Variants in CTH observed in about 807,000 individuals in gnomAD.
CTH encodes cystathionine gamma-lyase, also known as cystathionase (cystathionine gamma-lyase).
Under a neutral mutation model 50.6 loss-of-function variants are expected in CTH, and 41 were observed. The observed-to-expected ratio is 0.81, with a 90% confidence interval of 0.63 to 1.05. The LOEUF (loss-of-function observed/expected upper bound fraction) is 1.05, where lower values mean the gene tolerates loss of function less well. CTH is among the 50% of genes least tolerant of loss of function. The pLI, the probability that CTH is intolerant of heterozygous loss-of-function variation, is 0.00. For synonymous variants in CTH, 156 were observed against 168.9 expected (o/e 0.92, Z 0.59); for missense variants, 470 against 492.6 (o/e 0.95, Z 0.43).
chr1:70,424,773 C>A (rs557698430), intron 5 of CTH, among the ~76,000 whole-genome samples: 3 of 152,046 alleles, frequency 2.0e-5, no homozygotes, highest in Non-Finnish European at 4.4e-5. Flanking sequence ...ACTAAAAATA[C>A]AAAAAATTAG....
intron 7 of CTH, chr1:70,431,255 A>G (rs1684468056): frequency 1.3e-5 from 2 of 152,202 alleles, no homozygotes; most frequent in African/African-American, 4.8e-5. Flanking sequence ...TTTTATTTTC[A>G]TGTCCATCTT....
In CTH at chr1:70,421,648, A is replaced by G. The variant is rs1352834143; in HGVS notation, c.429A>G (p.Leu143=). The change falls in exon 4 of 12, where the codon CTA becomes CTG. Residue 143 remains leucine, a synonymous_variant. Transcript: ENST00000370938. ...SFVDCSKIKL[L]EAAITPETKL... Reference sequence around the variant, plus strand: ...TTGATTGTTCCAAAATCAAATTACTAGAGGCAGCAATTACACCAGAAACCA... The same window carrying G: ...TTGATTGTTCCAAAATCAAATTACTGGAGGCAGCAATTACACCAGAAACCA... 1.9e-6 allele frequency: 3 copies of G among 1,613,942 alleles called. No individual in the cohort carries two copies. In the Admixed American group the frequency reaches 5.0e-5, roughly 27 times the overall value.
Position 70,439,299 on chromosome 1 carries a change from G to T in CTH, c.*172G>T. Reference sequence around the variant, plus strand: ...GATCATCTCTGTTAAAAAGTTTTCTGTATGTCATGTTATAATTACAGGTCA... The same window carrying T: ...GATCATCTCTGTTAAAAAGTTTTCTTTATGTCATGTTATAATTACAGGTCA... On this transcript the variant is annotated 3_prime_UTR_variant, in exon 12 of 12. Transcript: ENST00000370938. The T allele has an allele frequency of 1.5e-6, 1 of 650,306 alleles. No individual in the cohort carries two copies. The highest frequency in any genetic ancestry group is 2.8e-6 in the Non-Finnish European group (1 of 363,178). The allele number at this position is 650,306 out of a possible 1,614,324, so 40.3% of individuals were successfully genotyped here.
chr1:70,418,290 C>T (rs1684137566), intron 3 of CTH, among the ~76,000 whole-genome samples: 2 of 152,140 alleles, frequency 1.3e-5, no homozygotes, highest in African/African-American at 4.8e-5. Context: ...CACTCTGTCA[C>T]CCGGGTTGGA....
chr1:70,422,014 G>C (rs1403447608), intron 4 of CTH, among the ~76,000 whole-genome samples: 1 of 152,186 alleles, frequency 6.6e-6, no homozygotes. Context: ...ATGAGATAAT[G>C]AATATGAAAT....
chr1:70,430,023 A>T (rs114214395), intron 6 of CTH, among the ~76,000 whole-genome samples, 172 bp downstream of exon 6: 593 of 152,314 alleles, frequency 3.9e-3, no homozygotes, highest in South Asian at 0.018. Context: ...AGTACACAAA[A>T]CTATGCTCAT....
intron 10 of CTH, among the ~76,000 whole-genome samples, chr1:70,436,026 G>T (rs1435133349): frequency 1.3e-5 from 2 of 152,124 alleles, no homozygotes; most frequent in African/African-American, 4.8e-5. Context: ...AATAATTAAT[G>T]ATTTTCGGCC....
At chr1:70,421,747 A>C in intron 4 of CTH, 72 bp downstream of exon 4, 1 of 1,451,220 alleles carries the variant, frequency 6.9e-7, no homozygotes, top group South Asian at 1.2e-5. Context: ...TGTTTACTAG[A>C]GGATATAATT....
intron 8 of CTH, among the ~76,000 whole-genome samples, chr1:70,432,682 CTTTTTTTTTT>C (rs10607278): frequency 2.2e-5 from 2 of 89,872 alleles, no homozygotes; most frequent in Middle Eastern, 6.3e-3. Flanking sequence ...CTCTCTCTCT[CTTTTTTTTTT>C]TTTTTTTTTT....
chr1:70,433,678 G>A, intron 8 of CTH, 150 bp from the exon 9 acceptor site: 1 of 1,228,728 alleles, frequency 8.1e-7, no homozygotes. Flanking sequence ...GGAGAGATAG[G>A]GGCCCAAGCA....
chr1:70,421,099 G>A (rs932961155), intron 3 of CTH, among the ~76,000 whole-genome samples: 1 of 151,962 alleles, frequency 6.6e-6, no homozygotes, highest in African/African-American at 2.4e-5. Context: ...TCATTTTATC[G>A]ATTAAAACTT....
At chr1:70,413,265 T>A (rs13374865) in intron 1 of CTH, among the ~76,000 whole-genome samples, 1 of 151,376 alleles carries the variant, frequency 6.6e-6, no homozygotes, top group South Asian at 2.1e-4. Context: ...CTTTCTTTTT[T>A]TTTTTTTTTT....
intron 9 of CTH, 74 bp from the exon 10 acceptor site, chr1:70,435,051 T>G: frequency 7.0e-7 from 1 of 1,432,754 alleles, no homozygotes; most frequent in Non-Finnish European, 9.5e-7. Flanking sequence ...GTGCCTGGCC[T>G]AAAAACATTT....
At chr1:70,428,445 C>T (rs1684394948) in intron 5 of CTH, among the ~76,000 whole-genome samples, 1 of 151,994 alleles carries the variant, frequency 6.6e-6, no homozygotes, top group Non-Finnish European at 1.5e-5. Flanking sequence ...TGCTAATTAC[C>T]CTGCTTTTGA....
rs189119595 is a variant in CTH, at chr1:70,425,474, G to A, written c.588+1058G>A. On this transcript the variant is annotated intron_variant, in intron 5 of 11. Transcript: ENST00000370938. ...CTCACATGGTAGAAGAGACAAGGCA[G>A]TTATCTGGGGCCTCTTTTATCAGGG... 3.1e-3 allele frequency among the ~76,000 whole-genome samples: 474 copies of A among 152,316 alleles called. 1 individual carries two copies. Among genetic ancestry groups the A allele is most frequent in the Middle Eastern group, 6.8e-3 (2 of 294 alleles).
rs185162229 is a variant in CTH at position 70,411,345 on chromosome 1, C to A, written c.-71C>A. 221 of 1,539,924 alleles carry A rather than the reference C, an allele frequency of 1.4e-4. No individual in the cohort carries two copies. In the African/African-American group the frequency reaches 2.5e-3, roughly 18 times the overall value. ...CGCCTGATCCTTCTGTCTCTCCCAA[C>A]CCCGGACACCCGGCTTCGACTGGTT... On this transcript the variant is annotated 5_prime_UTR_variant, in exon 1 of 12. Transcript: ENST00000370938.
chr1:70,439,073 A>G, intron 11 of CTH, 28 bp from the exon 12 acceptor site: 1 of 1,604,496 alleles, frequency 6.2e-7, no homozygotes. Flanking sequence ...GTTTAATAAC[A>G]TATTTTTCTT....
At chr1:70,423,626 A>T (rs1684279493) in intron 4 of CTH, among the ~76,000 whole-genome samples, 1 of 151,996 alleles carries the variant, frequency 6.6e-6, no homozygotes, top group African/African-American at 2.4e-5. Flanking sequence ...AACAAATAGA[A>T]TTCTTTTCTT....
Position 70,439,497 on chromosome 1 carries a change from C to T in CTH, c.*370C>T, listed in dbSNP as rs868533214. 2.1e-4 allele frequency: 44 copies of T among 204,760 alleles called. No individual in the cohort carries two copies. Among genetic ancestry groups the T allele is most frequent in the Non-Finnish European group, 3.4e-4 (34 of 100,730 alleles). 12.7% of individuals were successfully genotyped at this position (204,760 alleles called of 1,614,324 possible). A position where few individuals can be genotyped will look rare whatever the true frequency, so the allele number is the denominator to read the frequency against. Reference sequence around the variant, plus strand: ...GTTTTGTGAAGAATTTAAATTTAAACGAATGTTCTTAAATCAAGTGTGATT... The same window carrying T: ...GTTTTGTGAAGAATTTAAATTTAAATGAATGTTCTTAAATCAAGTGTGATT... On this transcript the variant is annotated 3_prime_UTR_variant, in exon 12 of 12. Coordinates refer to ENST00000370938, the MANE Select transcript of CTH (RefSeq NM_001902.6).
Sources: allele counts gnomAD v4.1 joint callset (sites outside exome capture counted in the v4.1 genomes callset), GRCh38; gene constraint gnomAD v4.1.1; transcripts MANE v1.5; gene names NCBI Gene and HGNC (gene_info 2026-07-23, HGNC 2026-07-21).